TRIM5: variants seen among roughly 807,000 people sequenced by gnomAD.
The protein encoded by TRIM5 is tripartite motif containing 5, also known as tripartite motif-containing protein 5.
Under a neutral mutation model 35.6 loss-of-function variants are expected in TRIM5, and 31 were observed. The observed-to-expected ratio is 0.87, with a 90% CI of 0.65 to 1.18. The LOEUF is 1.18. Ranked by LOEUF, TRIM5 falls within the 50% of genes most tolerant of loss-of-function variation. The probability of loss-of-function intolerance (pLI) is 0.00; values close to 1 mark genes in which losing one functional copy is unlikely to be tolerated. For synonymous variants in TRIM5, 243 were observed against 215.6 expected (o/e 1.13, Z -1.11); for missense variants, 609 against 591.6 (o/e 1.03, Z -0.31).
At position 5,678,360 on chromosome 11, in the gene TRIM5, C is replaced by T. The variant is rs1852158189; in HGVS notation, c.588G>A (p.Glu196=). The T allele has an allele frequency of 1.2e-6, 2 of 1,612,808 alleles. No individual in the cohort carries two copies. The highest frequency in any genetic ancestry group is 2.7e-5 in the African/African-American group (2 of 74,894). ...EQLRDILDWE[E]SNELQNLEKE... The stretch of plus-strand genomic sequence containing the variant: ...TCTCCAGGTTTTGCAGCTCATTGCT[C>T]TCCTCCCAGTCCAGGATGTCTCTCA... The change falls in exon 4 of 8, where the codon GAG becomes GAA. Residue 196 remains glutamate (E), a synonymous_variant. Coordinates refer to ENST00000380034, the MANE Select transcript of TRIM5 (RefSeq NM_033034.3).
chr11:5,643,125 A>ATATAT, the TRIM5 span: 52,548 of 969,762 alleles, frequency 0.054, 892 homozygotes, highest in Non-Finnish European at 0.055. Context: ...ATATATATAT[A>ATATAT]TTTTTTTTTT....
chr11:5,590,846 T>C, the TRIM5 span: 850 of 153,116 alleles, frequency 5.6e-3, 5 homozygotes, highest in Non-Finnish European at 9.3e-3. Flanking sequence ...GCAGCTTCAC[T>C]CCTGAGCTAG....
the TRIM5 span, among the ~76,000 whole-genome samples, chr11:5,599,467 G>C: frequency 6.6e-6 from 1 of 151,862 alleles, no homozygotes; most frequent in African/African-American, 2.4e-5. Context: ...GCAGTGGCAC[G>C]ATCTCGACTC....
chr11:5,621,580 A>AT, the TRIM5 span, among the ~76,000 whole-genome samples: 15 of 152,326 alleles, frequency 9.8e-5, no homozygotes, highest in Admixed American at 4.6e-4. Flanking sequence ...AAAAGTGATG[A>AT]TTTTTCTACC....
the TRIM5 span, among the ~76,000 whole-genome samples, chr11:5,627,626 G>T: frequency 1.3e-5 from 2 of 152,152 alleles, no homozygotes; most frequent in African/African-American, 4.8e-5. Context: ...TACAGCTCTT[G>T]GGGAGAGAGT....
chr11:5,627,945 G>C, the TRIM5 span, among the ~76,000 whole-genome samples: 1 of 152,202 alleles, frequency 6.6e-6, no homozygotes, highest in Non-Finnish European at 1.5e-5. Flanking sequence ...TAGGAGTCCA[G>C]ATGTTAGGAG....
chr11:5,633,849 G>A, the TRIM5 span: 2 of 1,614,000 alleles, frequency 1.2e-6, no homozygotes, highest in Non-Finnish European at 1.7e-6. Flanking sequence ...GGAAGAGGAG[G>A]AAGCTGAGAA....
At chr11:5,655,298 TAAAG>T in the TRIM5 span, among the ~76,000 whole-genome samples, 34 of 151,852 alleles carry the variant, frequency 2.2e-4, no homozygotes, top group Admixed American at 2.0e-3. Flanking sequence ...ATGTGATAAA[TAAAG>T]AAAAAGACTT....
At position 5,663,602 on chromosome 11, in the gene TRIM5, A is replaced by G. The variant is rs1053761644; in HGVS notation, c.*1207T>C. Reference sequence around the variant, plus strand: ...AATTTATTTTTTCACAATGATCCAAAGTATTAGATGAAGGTTTTTTGTTTT... The same window carrying G: ...AATTTATTTTTTCACAATGATCCAAGGTATTAGATGAAGGTTTTTTGTTTT... On this transcript the variant is annotated 3_prime_UTR_variant, in exon 8 of 8. Transcript: ENST00000380034. The G allele has an allele frequency of 3.1e-6, 3 of 955,202 alleles. No individual in the cohort carries two copies. The highest frequency in any genetic ancestry group is 6.2e-5 in the Admixed American group (1 of 16,236). The allele number at this position is 955,202 out of a possible 1,614,324, so 59.2% of individuals were successfully genotyped here. A position where few individuals can be genotyped will look rare whatever the true frequency, so the allele number is the denominator to read the frequency against.
At chr11:5,604,945 C>A in the TRIM5 span, 2 of 444,494 alleles carry the variant, frequency 4.5e-6, no homozygotes, top group Non-Finnish European at 8.1e-6. Context: ...AGTACAAATG[C>A]AAGGGAAAAT....
the TRIM5 span, among the ~76,000 whole-genome samples, chr11:5,648,970 A>G: frequency 6.6e-6 from 1 of 152,256 alleles, no homozygotes; most frequent in African/African-American, 2.4e-5. Flanking sequence ...AGTATAAGCA[A>G]ACAAGTGTAC....
At chr11:5,642,320 G>A in the TRIM5 span, 74 of 1,220,096 alleles carry the variant, frequency 6.1e-5, 1 homozygote, top group South Asian at 9.4e-4. Context: ...GTGCATCAGT[G>A]ATGTGAAGGA....
At chr11:5,647,724 C>T in the TRIM5 span, among the ~76,000 whole-genome samples, 4 of 152,096 alleles carry the variant, frequency 2.6e-5, no homozygotes, top group African/African-American at 4.8e-5. Context: ...GATTTCACTA[C>T]GTTGGCCAGG....
the TRIM5 span, among the ~76,000 whole-genome samples, chr11:5,633,146 C>CTTTTTTTT: frequency 9.4e-6 from 1 of 106,820 alleles, no homozygotes; most frequent in Non-Finnish European, 1.9e-5. Context: ...CCTTTTCTTT[C>CTTTTTTTT]TTTTTTTTTT....
the TRIM5 span, among the ~76,000 whole-genome samples, chr11:5,646,846 G>C: frequency 6.6e-6 from 1 of 152,146 alleles, no homozygotes; most frequent in Admixed American, 6.5e-5. Context: ...TAACCTCTCA[G>C]AAGCACAGTT....
chr11:5,631,138 C>T, the TRIM5 span, among the ~76,000 whole-genome samples: 1 of 152,184 alleles, frequency 6.6e-6, no homozygotes. Flanking sequence ...TTACACCCCT[C>T]CCCCAACGAA....
chr11:5,652,077 T>C, the TRIM5 span, among the ~76,000 whole-genome samples: 1 of 152,196 alleles, frequency 6.6e-6, no homozygotes, highest in African/African-American at 2.4e-5. Flanking sequence ...TACAAATATT[T>C]TCTCCCATTT....
intron 4 of TRIM5, among the ~76,000 whole-genome samples, chr11:5,676,981 AC>A (rs1852034179): frequency 1.3e-5 from 2 of 152,120 alleles, no homozygotes; most frequent in South Asian, 2.1e-4. Flanking sequence ...TAAACGTTAG[AC>A]CTAAAACCAC....
the TRIM5 span, chr11:5,596,719 G>C: frequency 3.3e-6 from 3 of 921,890 alleles, no homozygotes; most frequent in African/African-American, 1.7e-5. Flanking sequence ...GCGGAGGAGG[G>C]ATCCCCTGCC....
Sources: gnomAD v4.1 joint callset for allele counts (sites outside exome capture counted in the v4.1 genomes callset) on GRCh38, gnomAD v4.1.1 for gene constraint, MANE v1.5 for transcripts, NCBI Gene and HGNC (gene_info 2026-07-23, HGNC 2026-07-21) for gene names.